Variants in DIDO1 observed in about 807,000 individuals in gnomAD.
The protein encoded by DIDO1 is death inducer-obliterator 1.
DIDO1 carries 16 observed loss-of-function variants against 99.4 expected under a neutral mutation model. The observed-to-expected ratio is 0.16, with a 90% CI of 0.11 to 0.24. The LOEUF (loss-of-function observed/expected upper bound fraction) is 0.24. Among genes scored for constraint, DIDO1 ranks in the 10% least tolerant of loss-of-function variants. The probability of loss-of-function intolerance (pLI) is 1.00; values close to 1 mark genes in which losing one functional copy is unlikely to be tolerated. For synonymous variants in DIDO1, 1,366 were observed against 1,239.1 expected, an observed-to-expected ratio of 1.10 and a Z score of -2.15; for missense variants, 2,996 against 3,014.0, an observed-to-expected ratio of 0.99 and a Z score of 0.14.
intron 8 of DIDO1, among the ~76,000 whole-genome samples, chr20:62,895,488 G>C (rs2064499010): frequency 6.6e-6 from 1 of 152,146 alleles, no homozygotes; most frequent in Admixed American, 6.5e-5. Context: ...AACACCTCAG[G>C]AAAAACAATT....
chr20:62,922,959 A>C (rs1159888123), intron 1 of DIDO1, among the ~76,000 whole-genome samples: 1 of 152,072 alleles, frequency 6.6e-6, no homozygotes, highest in Non-Finnish European at 1.5e-5. Context: ...AAACTAACAG[A>C]CCAGTTTGAA....
At chr20:62,928,129 A>C (rs1378094007), upstream of DIDO1, among the ~76,000 whole-genome samples, 1 of 152,192 alleles carries the variant, frequency 6.6e-6, no homozygotes, top group East Asian at 1.9e-4. Flanking sequence ...AGGATCTTTA[A>C]ACCAGCCACA....
chr20:62,921,915 T>C (rs1418433727), intron 1 of DIDO1, among the ~76,000 whole-genome samples: 1 of 149,558 alleles, frequency 6.7e-6, no homozygotes, highest in African/African-American at 2.5e-5. Context: ...ACAATATATA[T>C]ACACTATATA....
intron 1 of DIDO1, among the ~76,000 whole-genome samples, chr20:62,920,484 A>G (rs1361997259): frequency 6.6e-6 from 1 of 152,242 alleles, no homozygotes; most frequent in East Asian, 1.9e-4. Flanking sequence ...CATCAGATTG[A>G]TTCCACACTT....
intron 6 of DIDO1, among the ~76,000 whole-genome samples, chr20:62,897,892 G>A (rs2064573654): frequency 6.6e-6 from 1 of 152,202 alleles, no homozygotes; most frequent in East Asian, 1.9e-4. Context: ...AGCTAGTGGA[G>A]CAGAGTGAAA....
chr20:62,888,722 CAT>C (rs1381608987), intron 15 of DIDO1: 1 of 985,490 alleles, frequency 1.0e-6, no homozygotes, highest in East Asian at 1.1e-4. Context: ...CACACATGTA[CAT>C]GTTTATATCT....
chr20:62,933,034 G>C (rs1384181126), intron 1 of DIDO1, among the ~76,000 whole-genome samples: 1 of 152,172 alleles, frequency 6.6e-6, no homozygotes, highest in Admixed American at 6.5e-5. Flanking sequence ...CCAACATGAA[G>C]AAACCCCATC....
intron 5 of DIDO1, 31 bp downstream of exon 5, chr20:62,907,116 C>T (rs747488896): frequency 6.2e-7 from 1 of 1,611,434 alleles, no homozygotes; most frequent in South Asian, 1.1e-5. Flanking sequence ...TGTGCGTCCA[C>T]TGCCTGGGCG....
At chr20:62,905,278 G>C (rs2064775705) in intron 6 of DIDO1, 2 of 1,375,840 alleles carry the variant, frequency 1.5e-6, no homozygotes, top group Middle Eastern at 2.7e-4. Flanking sequence ...TGAAGCAGGA[G>C]TGTGTGGCCT....
rs770318998 is a variant in DIDO1 at position 62,910,792 on chromosome 20, C to T, written c.821G>A (p.Arg274His). The change falls in exon 3 of 16, where the codon CGC becomes CAC. Residue 274 changes from arginine to histidine, a missense_variant. Physicochemically the swap from Arg to His is conservative, Grantham distance 29 (BLOSUM62 0). Coordinates refer to ENST00000395343, the MANE Select transcript of DIDO1 (RefSeq NM_001193369.2). ...YDPNALYCICRQPHNNRFMIC... is the reference protein window; with the variant it reads ...YDPNALYCICHQPHNNRFMIC... ...GACCCACCTGTTGTTGTGAGGCTGG[C>T]GGCAAATGCAATACAGGGCGTTGGG... The T allele has an allele frequency of 2.0e-5, 32 of 1,610,968 alleles. No homozygotes were observed. In the Admixed American group the frequency reaches 2.7e-4, roughly 13 times the overall value.
At chr20:62,927,338 T>G (rs2065273812), upstream of DIDO1, among the ~76,000 whole-genome samples, 1 of 152,166 alleles carries the variant, frequency 6.6e-6, no homozygotes. Context: ...GAGGGGAAAG[T>G]GAGGTATGGT....
At chr20:62,885,905 A>G (rs1444598312) in intron 15 of DIDO1, among the ~76,000 whole-genome samples, 1 of 152,228 alleles carries the variant, frequency 6.6e-6, no homozygotes, top group Non-Finnish European at 1.5e-5. Context: ...CCAGCAGACC[A>G]GTAAGGTCGA....
At chr20:62,884,302 A>C (rs999603186) in intron 15 of DIDO1, among the ~76,000 whole-genome samples, 2 of 152,216 alleles carry the variant, frequency 1.3e-5, no homozygotes, top group East Asian at 3.8e-4. Context: ...CCACACTCAT[A>C]ATCAATCAAG....
chr20:62,905,370 A>G, intron 6 of DIDO1: 1 of 1,448,898 alleles, frequency 6.9e-7, no homozygotes, highest in Non-Finnish European at 9.1e-7. Flanking sequence ...TGCCCAGTCA[A>G]AAATAAATGT....
At chr20:62,900,119 CTGGGGGCAGCAGTGGTGGTGACCT>C (rs2064632702) in intron 6 of DIDO1, among the ~76,000 whole-genome samples, 1 of 152,204 alleles carries the variant, frequency 6.6e-6, no homozygotes, top group South Asian at 2.1e-4. Context: ...GCTGGGCCCC[CTGGGGGCAGCAGTGGTGGTGACCT>C]GGTCACACCG....
intron 1 of DIDO1, among the ~76,000 whole-genome samples, chr20:62,922,839 G>T (rs920791142): frequency 1.3e-5 from 2 of 152,212 alleles, no homozygotes; most frequent in Non-Finnish European, 2.9e-5. Flanking sequence ...GTGACATACT[G>T]TTCTCATGGA....
chr20:62,897,775 T>A (rs1285264963), intron 6 of DIDO1, among the ~76,000 whole-genome samples: 1 of 152,202 alleles, frequency 6.6e-6, no homozygotes, highest in East Asian at 1.9e-4. Flanking sequence ...CCATGTGAGA[T>A]CGTCAGAGCC....
At position 62,899,454 on chromosome 20, in the gene DIDO1, C is replaced by T. The variant is rs146610516; in HGVS notation, c.1589-2458G>A. On this transcript the variant is annotated intron_variant, in intron 6 of 15. Coordinates refer to ENST00000395343, the MANE Select transcript of DIDO1 (RefSeq NM_001193369.2). The stretch of plus-strand genomic sequence containing the variant: ...CCAGATCGTAAGTGTTGGAATGAGG[C>T]GTCCATGGCCACACTCAGATTTCTG... Among the ~76,000 whole-genome samples the T allele has an allele frequency of 5.8e-4, 89 of 152,262 alleles. 1 individual carries two copies. The East Asian group carries it at 0.014, about 23-fold the overall frequency.
intron 6 of DIDO1, among the ~76,000 whole-genome samples, chr20:62,900,015 A>C (rs906263549): frequency 6.6e-6 from 1 of 152,228 alleles, no homozygotes; most frequent in South Asian, 2.1e-4. Context: ...GTATAACTTC[A>C]GAGAAGGGCA....
Sources: allele counts gnomAD v4.1 joint callset (sites outside exome capture counted in the v4.1 genomes callset), GRCh38; gene constraint gnomAD v4.1.1; transcripts MANE v1.5; gene names NCBI Gene and HGNC (gene_info 2026-07-23, HGNC 2026-07-21).